The following CDC42SE2 variants were observed in gnomAD, a reference collection of about 807,000 sequenced individuals.
CDC42SE2 encodes CDC42 small effector protein 2.
CDC42SE2 carries 3 observed loss-of-function variants against 11.5 expected under a neutral mutation model. The observed-to-expected ratio is 0.26, with a 90% CI of 0.12 to 0.67. CDC42SE2 has a LOEUF of 0.67. Among genes scored for constraint, CDC42SE2 ranks in the 30% least tolerant of loss-of-function variants. CDC42SE2 has a pLI of 0.80. For missense variants in CDC42SE2, 82 were observed against 106.8 expected, an observed-to-expected ratio of 0.77 and a Z score of 1.02; for synonymous variants, 33 against 34.8, an observed-to-expected ratio of 0.95 and a Z score of 0.18.
At chr5:131,344,375 C>T (rs1489181513) in intron 2 of CDC42SE2, among the ~76,000 whole-genome samples, 1 of 152,202 alleles carries the variant, frequency 6.6e-6, no homozygotes, top group Non-Finnish European at 1.5e-5. Flanking sequence ...CTAAGAGGGT[C>T]CCATGCCCAC....
Position 131,394,273 on chromosome 5 carries a change from G to C in CDC42SE2, c.*3182G>C, listed in dbSNP as rs1479850772. 1 of 152,312 alleles carries C rather than the reference G, an allele frequency of 6.6e-6. No individual in the cohort carries two copies. Among genetic ancestry groups the C allele is most frequent in the Non-Finnish European group, 1.5e-5 (1 of 68,032 alleles). 9.4% of individuals were successfully genotyped at this position (152,312 alleles called of 1,614,324 possible). A position where few individuals can be genotyped will look rare whatever the true frequency, so the allele number is the denominator to read the frequency against. On this transcript the variant is annotated 3_prime_UTR_variant, in exon 5 of 5. Coordinates refer to ENST00000505065, the MANE Select transcript of CDC42SE2 (RefSeq NM_001375635.1). ...GAAGACTTAGTCATGTGGATTGTTA[G>C]CAGTGATCTGCATTCTGTAAAAGAG...
chr5:131,253,616 T>G (rs2149683912), intron 1 of CDC42SE2, among the ~76,000 whole-genome samples: 1 of 152,040 alleles, frequency 6.6e-6, no homozygotes, highest in East Asian at 1.9e-4. Flanking sequence ...AATACAAAAA[T>G]TAGCTGGGCA....
upstream of CDC42SE2, among the ~76,000 whole-genome samples, chr5:131,259,117 A>C (rs1438033822): frequency 2.0e-5 from 3 of 151,278 alleles, no homozygotes; most frequent in South Asian, 4.1e-4. Flanking sequence ...GATTTTTCTC[A>C]ATCTTCCCAA....
rs1375422157 is a variant in CDC42SE2, at chr5:131,392,169, T to TTTTC, written c.*1082_*1085dup. On this transcript the variant is annotated 3_prime_UTR_variant, in exon 5 of 5. Coordinates refer to ENST00000505065, the MANE Select transcript of CDC42SE2 (RefSeq NM_001375635.1). Reference sequence around the variant, plus strand: ...AGTTTTTTTTTTCTATTTTAAACATTTTTCTTTTCACTGCCGACCCCCTGC... The same window carrying TTTTC: ...AGTTTTTTTTTTCTATTTTAAACATTTTTCTTTCTTTTCACTGCCGACCCCCTGC... 2 of 152,770 alleles carry TTTTC rather than the reference T, an allele frequency of 1.3e-5. No individual in the cohort carries two copies. Among genetic ancestry groups the TTTTC allele is most frequent in the African/African-American group, 2.4e-5 (1 of 41,454 alleles). 9.5% of individuals were successfully genotyped at this position (152,770 alleles called of 1,614,324 possible). A position where few individuals can be genotyped will look rare whatever the true frequency, so the allele number is the denominator to read the frequency against.
the CDC42SE2 span, among the ~76,000 whole-genome samples, chr5:131,229,163 TGG>T: frequency 6.6e-6 from 1 of 150,514 alleles, no homozygotes; most frequent in Non-Finnish European, 1.5e-5. Context: ...AATTACCTTA[TGG>T]GGTGTGTGTG....
At chr5:131,235,159 G>C in the CDC42SE2 span, among the ~76,000 whole-genome samples, 5 of 152,076 alleles carry the variant, frequency 3.3e-5, no homozygotes, top group Admixed American at 3.3e-4. Flanking sequence ...AAAGTGCTGG[G>C]ATTACAGGCG....
At position 131,342,502 on chromosome 5, in the gene CDC42SE2, G is replaced by T. The variant is rs180838008; in HGVS notation, c.-285-16707G>T. On this transcript the variant is annotated intron_variant, in intron 2 of 4. Coordinates refer to ENST00000505065, the MANE Select transcript of CDC42SE2 (RefSeq NM_001375635.1). The stretch of plus-strand genomic sequence containing the variant: ...CCTCTCAGGTTCAAGTGATTCTCCT[G>T]CCTCTGCCTCCCGAGTAGCTGGGAT... Among the ~76,000 whole-genome samples, 229 of 143,436 alleles carry T rather than the reference G, an allele frequency of 1.6e-3. 1 individual carries two copies. The highest frequency in any genetic ancestry group is 5.8e-3 in the African/African-American group (217 of 37,642). The allele number at this position is 143,436 out of a possible 152,430, so 94.1% of individuals were successfully genotyped here.
intron 2 of CDC42SE2, among the ~76,000 whole-genome samples, chr5:131,258,501 T>A (rs960055869): frequency 2.0e-5 from 3 of 152,130 alleles, no homozygotes; most frequent in African/African-American, 7.2e-5. Context: ...CCCAGAGGCA[T>A]TTTGTTACAA....
At chr5:131,382,522 T>C (rs1224871996) in intron 3 of CDC42SE2, among the ~76,000 whole-genome samples, 1 of 152,190 alleles carries the variant, frequency 6.6e-6, no homozygotes, top group Non-Finnish European at 1.5e-5. Flanking sequence ...TAGGAGTTGC[T>C]TCTGCAGGTT....
At chr5:131,234,041 T>C in the CDC42SE2 span, among the ~76,000 whole-genome samples, 5 of 152,084 alleles carry the variant, frequency 3.3e-5, no homozygotes, top group African/African-American at 4.8e-5. Flanking sequence ...ACTAGATTAT[T>C]ATATGTGCAA....
chr5:131,264,437 C>A (rs553111579), intron 1 of CDC42SE2, among the ~76,000 whole-genome samples: 53 of 152,146 alleles, frequency 3.5e-4, no homozygotes, highest in Non-Finnish European at 6.0e-4. Context: ...GAATTCACGG[C>A]AGGCGGACAG....
At chr5:131,352,153 G>C (rs1261374694) in intron 2 of CDC42SE2, among the ~76,000 whole-genome samples, 1 of 152,188 alleles carries the variant, frequency 6.6e-6, no homozygotes, top group Non-Finnish European at 1.5e-5. Context: ...GAGTTGGTAG[G>C]ATAAGGAATA....
intron 2 of CDC42SE2, among the ~76,000 whole-genome samples, chr5:131,318,650 A>G (rs1421616425): frequency 6.6e-6 from 1 of 152,198 alleles, no homozygotes; most frequent in Non-Finnish European, 1.5e-5. Flanking sequence ...GAGCTGCTGG[A>G]TCAACCCTTC....
At chr5:131,262,934 G>T (rs1054713960), upstream of CDC42SE2, among the ~76,000 whole-genome samples, 1 of 148,118 alleles carries the variant, frequency 6.8e-6, no homozygotes, top group Non-Finnish European at 1.5e-5. Context: ...AGGAAAAATA[G>T]TAAGGTAGGA....
intron 1 of CDC42SE2, among the ~76,000 whole-genome samples, chr5:131,290,965 A>G (rs1399289779): frequency 6.6e-6 from 1 of 152,228 alleles, no homozygotes; most frequent in Non-Finnish European, 1.5e-5. Flanking sequence ...TCAAGATAAA[A>G]AAGGAAAACC....
intron 3 of CDC42SE2, among the ~76,000 whole-genome samples, chr5:131,379,834 C>T (rs767059934): frequency 7.2e-5 from 11 of 152,180 alleles, no homozygotes; most frequent in Non-Finnish European, 1.2e-4. Context: ...ACTGTTAATA[C>T]GTATCAGAGC....
At chr5:131,256,834 C>T (rs1242651865) in intron 2 of CDC42SE2, among the ~76,000 whole-genome samples, 1 of 152,220 alleles carries the variant, frequency 6.6e-6, no homozygotes, top group Non-Finnish European at 1.5e-5. Flanking sequence ...AGAGAAAACT[C>T]TTCACTTTCA....
At chr5:131,350,221 C>G (rs1758972032) in intron 2 of CDC42SE2, among the ~76,000 whole-genome samples, 1 of 151,818 alleles carries the variant, frequency 6.6e-6, no homozygotes, top group African/African-American at 2.4e-5. Context: ...ATAATTTAGA[C>G]ATTTTTAAAA....
At chr5:131,270,232 G>A (rs1298766174) in intron 1 of CDC42SE2, among the ~76,000 whole-genome samples, 1 of 151,934 alleles carries the variant, frequency 6.6e-6, no homozygotes, top group Non-Finnish European at 1.5e-5. Context: ...AAAATTATCC[G>A]GGCGTGGTGG....
Sources: gnomAD v4.1 joint callset for allele counts (sites outside exome capture counted in the v4.1 genomes callset) on GRCh38, gnomAD v4.1.1 for gene constraint, MANE v1.5 for transcripts, NCBI Gene and HGNC (gene_info 2026-07-23, HGNC 2026-07-21) for gene names.